EIF4G3: variants seen among roughly 807,000 people sequenced by gnomAD.
EIF4G3 encodes the protein eIF-4-gamma 3.
In EIF4G3, 34 loss-of-function variants were observed where a neutral mutation model predicts 186.4. The observed-to-expected ratio is 0.18, with a 90% CI of 0.14 to 0.24. EIF4G3 has a LOEUF of 0.24. Among genes scored for constraint, EIF4G3 ranks in the 10% least tolerant of loss-of-function variants. The pLI is 1.00. For missense variants in EIF4G3, 1,536 were observed against 1,948.5 expected, an observed-to-expected ratio of 0.79 and a Z score of 3.99; for synonymous variants, 673 against 679.5, an observed-to-expected ratio of 0.99 and a Z score of 0.15.
chr1:20,827,770 G>C (rs1571206789), intron 31 of EIF4G3, 72 bp from the exon 32 acceptor site: 2 of 1,056,892 alleles, frequency 1.9e-6, no homozygotes, highest in Non-Finnish European at 2.9e-6. Flanking sequence ...GGCAAACAAT[G>C]TGTGACCAAA....
rs987555574 is a variant in EIF4G3 at position 21,167,699 on chromosome 1, A to C, written c.-272+8476T>G. Among the ~76,000 whole-genome samples the C allele has an allele frequency of 1.7e-4, 26 of 152,284 alleles. No individual in the cohort carries two copies. In the East Asian group the frequency reaches 4.6e-3, roughly 27 times the overall value. On this transcript the variant is annotated intron_variant, in intron 2 of 36. Coordinates refer to ENST00000602326, the MANE Select transcript of EIF4G3 (RefSeq NM_001391906.1). ...CTTGAACCCGGGAGGTGGAGGTTGC[A>C]ATGAGCCAAGATCACAACACTGCAA...
chr1:20,908,887 C>T (rs1431908628), intron 14 of EIF4G3, among the ~76,000 whole-genome samples: 2 of 152,144 alleles, frequency 1.3e-5, no homozygotes, highest in Non-Finnish European at 1.5e-5. Flanking sequence ...CAGTGGCTCA[C>T]GTCTGTATTC....
At chr1:20,864,775 G>T in intron 21 of EIF4G3, 63 bp from the exon 22 acceptor site, 1 of 1,316,892 alleles carries the variant, frequency 7.6e-7, no homozygotes, top group Non-Finnish European at 1.1e-6. Flanking sequence ...AATAAACACT[G>T]AGATTCATGG....
At chr1:20,909,223 CAA>C (rs764892334) in intron 14 of EIF4G3, among the ~76,000 whole-genome samples, 1 of 151,910 alleles carries the variant, frequency 6.6e-6, no homozygotes, top group Non-Finnish European at 1.5e-5. Flanking sequence ...ATAGCAGAGT[CAA>C]GAGTAGTTAA....
intron 2 of EIF4G3, among the ~76,000 whole-genome samples, chr1:21,158,169 CTTTTTT>C (rs71014163): frequency 1.0e-5 from 1 of 99,512 alleles, no homozygotes; most frequent in African/African-American, 4.4e-5. Context: ...AAATACATAG[CTTTTTT>C]TTTTTTTTTT....
At chr1:21,028,766 C>T (rs951971805) in intron 4 of EIF4G3, among the ~76,000 whole-genome samples, 1 of 152,138 alleles carries the variant, frequency 6.6e-6, no homozygotes, top group Non-Finnish European at 1.5e-5. Flanking sequence ...CAACCTAGTA[C>T]TGAAGTAAGC....
intron 30 of EIF4G3, among the ~76,000 whole-genome samples, chr1:20,834,758 G>A (rs2066262280): frequency 6.6e-6 from 1 of 152,080 alleles, no homozygotes. Flanking sequence ...TATCTGAAGG[G>A]AAAGACAGAC....
intron 14 of EIF4G3, among the ~76,000 whole-genome samples, chr1:20,935,210 T>C (rs947033215): frequency 3.9e-5 from 6 of 152,218 alleles, no homozygotes; most frequent in Admixed American, 3.9e-4. Flanking sequence ...GTAATTCTCC[T>C]GTGAGCCTGA....
At chr1:21,007,538 C>CAAAAAACAAAAAAAAAAAA (rs1471121881) in intron 4 of EIF4G3, among the ~76,000 whole-genome samples, 1 of 58,488 alleles carries the variant, frequency 1.7e-5, no homozygotes, top group African/African-American at 5.1e-5. Flanking sequence ...AAAAAAAAAA[C>CAAAAAACAAAAAAAAAAAA]ACACTCAAAA....
chr1:21,030,617 G>C (rs554630901), intron 4 of EIF4G3, among the ~76,000 whole-genome samples: 1 of 152,062 alleles, frequency 6.6e-6, no homozygotes, highest in African/African-American at 2.4e-5. Context: ...GCCAGTGCTC[G>C]TAACAAAAAT....
chr1:20,971,643 C>A (rs935125860), intron 11 of EIF4G3, among the ~76,000 whole-genome samples: 4 of 152,084 alleles, frequency 2.6e-5, no homozygotes, highest in Non-Finnish European at 5.9e-5. Flanking sequence ...CTATTATTTT[C>A]TTGTTTGTTT....
intron 3 of EIF4G3, among the ~76,000 whole-genome samples, chr1:21,063,197 G>A (rs1297845535): frequency 6.6e-6 from 1 of 152,044 alleles, no homozygotes; most frequent in Non-Finnish European, 1.5e-5. Flanking sequence ...GGGACTACAG[G>A]CACATGCTAC....
At chr1:21,084,984 T>C (rs892887531) in intron 3 of EIF4G3, among the ~76,000 whole-genome samples, 5 of 61,746 alleles carry the variant, frequency 8.1e-5, no homozygotes, top group Non-Finnish European at 2.3e-4. Flanking sequence ...CAGTAAAAGC[T>C]TAAGCTTAAG....
chr1:21,151,360 T>C (rs2102807496), intron 2 of EIF4G3, among the ~76,000 whole-genome samples: 1 of 146,440 alleles, frequency 6.8e-6, no homozygotes, highest in South Asian at 2.3e-4. Flanking sequence ...TGCCTCAGCC[T>C]CCCAAGTAGC....
intron 3 of EIF4G3, among the ~76,000 whole-genome samples, chr1:21,052,810 T>C (rs1235324726): frequency 2.6e-5 from 4 of 152,210 alleles, no homozygotes; most frequent in South Asian, 4.1e-4. Context: ...CTCCAGCTCC[T>C]AACCGCGAGT....
At chr1:20,823,546 A>AT (rs552200739) in intron 33 of EIF4G3, among the ~76,000 whole-genome samples, 12 of 150,114 alleles carry the variant, frequency 8.0e-5, no homozygotes, top group Non-Finnish European at 1.3e-4. Context: ...ACACCTAGCT[A>AT]TTTTTTTTTA....
chr1:21,140,217 A>C (rs1284171484), intron 2 of EIF4G3, among the ~76,000 whole-genome samples: 2 of 152,220 alleles, frequency 1.3e-5, no homozygotes, highest in African/African-American at 4.8e-5. Context: ...CTGATTTTCC[A>C]ATTGCAAAGA....
In EIF4G3 at chr1:21,089,161, C is replaced by T. The variant is rs1296527393; in HGVS notation, c.-219G>A. On this transcript the variant is annotated 5_prime_UTR_variant, in exon 3 of 37. Coordinates refer to ENST00000602326, the MANE Select transcript of EIF4G3 (RefSeq NM_001391906.1). Reference sequence around the variant, plus strand: ...ACCGTGCTGTAGACTGCTGAGACAGCGGGAGTGAAGATTCGATCCTCAAGA... The same window carrying T: ...ACCGTGCTGTAGACTGCTGAGACAGTGGGAGTGAAGATTCGATCCTCAAGA... 2.5e-5 allele frequency: 18 copies of T among 717,226 alleles called. No homozygotes were observed. The highest frequency in any genetic ancestry group is 2.3e-4 in the Middle Eastern group (1 of 4,372). 44.4% of individuals were successfully genotyped at this position (717,226 alleles called of 1,614,324 possible). A position where few individuals can be genotyped will look rare whatever the true frequency, so the allele number is the denominator to read the frequency against.
chr1:20,874,563 GT>G (rs1211206985), intron 20 of EIF4G3, among the ~76,000 whole-genome samples: 2 of 152,074 alleles, frequency 1.3e-5, no homozygotes, highest in Non-Finnish European at 2.9e-5. Flanking sequence ...TTATTAGGCT[GT>G]TTTTTTCCTA....
Sources: allele counts gnomAD v4.1 joint callset (sites outside exome capture counted in the v4.1 genomes callset), GRCh38; gene constraint gnomAD v4.1.1; transcripts MANE v1.5; gene names NCBI Gene and HGNC (gene_info 2026-07-23, HGNC 2026-07-21).